Variants in CLOCK observed in about 807,000 individuals in gnomAD.
CLOCK encodes circadian locomoter output cycles protein kaput.
A neutral mutation model predicts 118.4 loss-of-function variants in CLOCK; 43 were observed. The ratio of observed to expected loss-of-function variants is 0.36; its 90% CI spans 0.28 to 0.47. The LOEUF is 0.47. Among genes scored for constraint, CLOCK ranks in the 20% least tolerant of loss-of-function variants. The probability of loss-of-function intolerance (pLI) is 1.00; values close to 1 mark genes in which losing one functional copy is unlikely to be tolerated. For synonymous variants in CLOCK, 326 were observed against 339.2 expected (o/e 0.96, Z 0.43); for missense variants, 846 against 999.9 (o/e 0.85, Z 2.08).
intron 2 of CLOCK, among the ~76,000 whole-genome samples, chr4:55,496,662 C>G (rs1345930076): frequency 1.3e-5 from 2 of 152,168 alleles, no homozygotes; most frequent in African/African-American, 4.8e-5. Context: ...GTTCAGGGCT[C>G]TAAGGCTTCT....
At chr4:55,452,960 T>C (rs1724599300) in intron 15 of CLOCK, 94 bp downstream of exon 15, 4 of 863,174 alleles carry the variant, frequency 4.6e-6, no homozygotes, top group Admixed American at 2.3e-5. Context: ...GGAAATAAAG[T>C]ATTTTTGAAA....
At chr4:55,528,898 A>G (rs1282594690) in intron 1 of CLOCK, among the ~76,000 whole-genome samples, 1 of 152,240 alleles carries the variant, frequency 6.6e-6, no homozygotes, top group Non-Finnish European at 1.5e-5. Flanking sequence ...CGAAGCCTAA[A>G]AACAGGTTCC....
At chr4:55,530,679 G>A (rs1181998013) in intron 1 of CLOCK, among the ~76,000 whole-genome samples, 1 of 145,514 alleles carries the variant, frequency 6.9e-6, no homozygotes, top group Admixed American at 7.2e-5. Flanking sequence ...GGAGGTTGAA[G>A]CAGAAGAATC....
chr4:55,524,307 C>T (rs368633202), intron 1 of CLOCK, among the ~76,000 whole-genome samples: 37 of 151,968 alleles, frequency 2.4e-4, no homozygotes, highest in Admixed American at 5.9e-4. Context: ...GAGGCTGAGG[C>T]AGAATTGCTT....
chr4:55,464,627 A>G (rs1560435209), intron 8 of CLOCK, among the ~76,000 whole-genome samples: 1 of 152,210 alleles, frequency 6.6e-6, no homozygotes, highest in Non-Finnish European at 1.5e-5. Flanking sequence ...GGAGCTGAGA[A>G]GCAGGGCCCA....
chr4:55,468,800 T>C (rs1533803), intron 8 of CLOCK, among the ~76,000 whole-genome samples: 6,556 of 152,302 alleles, frequency 0.043, 450 homozygotes, highest in African/African-American at 0.15. Flanking sequence ...TCAGATAAAG[T>C]GGTAAGACCT....
intron 2 of CLOCK, among the ~76,000 whole-genome samples, chr4:55,508,532 C>T (rs766634983): frequency 1.4e-4 from 22 of 152,216 alleles, no homozygotes; most frequent in South Asian, 2.1e-4. Context: ...TCTATAAATA[C>T]TCCTTCAGCC....
chr4:55,511,552 G>T (rs10462033), intron 1 of CLOCK, among the ~76,000 whole-genome samples: 37,449 of 152,004 alleles, frequency 0.25, 4,936 homozygotes, highest in South Asian at 0.37. Context: ...TTAATGCACA[G>T]CCTTCCCCAT....
At chr4:55,445,917 T>TAA (rs1320989679) in intron 18 of CLOCK, among the ~76,000 whole-genome samples, 2 of 151,958 alleles carry the variant, frequency 1.3e-5, no homozygotes, top group Non-Finnish European at 2.9e-5. Context: ...TTCTTTAGGT[T>TAA]CTCTTTACTT....
intron 1 of CLOCK, among the ~76,000 whole-genome samples, chr4:55,525,716 C>T (rs184080345): frequency 5.7e-4 from 87 of 152,094 alleles, no homozygotes; most frequent in African/African-American, 1.8e-3. Flanking sequence ...GTGATCCACC[C>T]GCCTCGGCCT....
At chr4:55,509,038 C>T (rs556537257) in intron 2 of CLOCK, among the ~76,000 whole-genome samples, 1 of 152,306 alleles carries the variant, frequency 6.6e-6, no homozygotes, top group South Asian at 2.1e-4. Flanking sequence ...GCACAGCATG[C>T]AATGGTACTG....
At chr4:55,458,332 G>A (rs111886286) in intron 11 of CLOCK, among the ~76,000 whole-genome samples, 2,567 of 152,160 alleles carry the variant, frequency 0.017, 70 homozygotes, top group African/African-American at 0.058. Flanking sequence ...AAAGTGCTGG[G>A]ATTACAGGCA....
intron 12 of CLOCK, 82 bp from the exon 13 acceptor site, chr4:55,456,085 G>C: frequency 8.4e-7 from 1 of 1,196,948 alleles, no homozygotes. Flanking sequence ...TTTGGGGGGG[G>C]GGCTTTATTT....
chr4:55,460,372 C>T (rs1725245580), intron 9 of CLOCK, among the ~76,000 whole-genome samples: 1 of 152,212 alleles, frequency 6.6e-6, no homozygotes, highest in African/African-American at 2.4e-5. Context: ...GCTTTCAGGA[C>T]ATTCGAACTT....
chr4:55,483,439 C>A (rs1386838301), intron 3 of CLOCK, among the ~76,000 whole-genome samples: 1 of 152,034 alleles, frequency 6.6e-6, no homozygotes, highest in East Asian at 1.9e-4. Flanking sequence ...TTTTTTAATG[C>A]AAATATGGTG....
intron 16 of CLOCK, 79 bp downstream of exon 16, chr4:55,450,012 A>G (rs1031848566): frequency 5.9e-6 from 9 of 1,512,662 alleles, no homozygotes; most frequent in Admixed American, 1.7e-5. Flanking sequence ...GAAGCGTTTG[A>G]TGAGAAATGC....
chr4:55,447,358 C>T (rs923764144), intron 18 of CLOCK, among the ~76,000 whole-genome samples: 3 of 132,378 alleles, frequency 2.3e-5, no homozygotes, highest in Non-Finnish European at 5.0e-5. Flanking sequence ...GGTGAGGCGT[C>T]GTCTCAAAAA....
intron 1 of CLOCK, among the ~76,000 whole-genome samples, chr4:55,514,403 A>G (rs1522109): frequency 0.25 from 37,454 of 151,998 alleles, 4,947 homozygotes; most frequent in South Asian, 0.37. Flanking sequence ...TTCACATACT[A>G]TAACACTCAC....
chr4:55,486,173 A>T (rs768339309), intron 3 of CLOCK, among the ~76,000 whole-genome samples: 8 of 152,210 alleles, frequency 5.3e-5, no homozygotes, highest in Non-Finnish European at 1.0e-4. Flanking sequence ...ATAGTATACT[A>T]TAATTACTTT....
Sources: allele counts gnomAD v4.1 joint callset (sites outside exome capture counted in the v4.1 genomes callset), GRCh38; gene constraint gnomAD v4.1.1; transcripts MANE v1.5; gene names NCBI Gene and HGNC (gene_info 2026-07-23, HGNC 2026-07-21).